SNX13: variants seen among roughly 807,000 people sequenced by gnomAD.
The protein encoded by SNX13 is sorting nexin 13.
A neutral mutation model predicts 133.6 loss-of-function variants in SNX13; 45 were observed. The observed-to-expected ratio is 0.34, with a 90% CI of 0.27 to 0.43. The LOEUF is 0.43. Among genes scored for constraint, SNX13 ranks in the 20% least tolerant of loss-of-function variants. SNX13 has a pLI of 1.00. For synonymous variants in SNX13, 414 were observed against 373.9 expected (o/e 1.11, Z -1.24); for missense variants, 1,032 against 1,145.1 (o/e 0.90, Z 1.43).
chr7:17,911,014 AT>A (rs1798923732), intron 1 of SNX13, among the ~76,000 whole-genome samples: 1 of 152,334 alleles, frequency 6.6e-6, no homozygotes, highest in South Asian at 2.1e-4. Flanking sequence ...TGAATCACTC[AT>A]TTTTAAATGG....
intron 8 of SNX13, among the ~76,000 whole-genome samples, chr7:17,871,125 C>T (rs1794061624): frequency 6.6e-6 from 1 of 152,012 alleles, no homozygotes; most frequent in South Asian, 2.1e-4. Context: ...CCTGCCTCAG[C>T]CTCCCGAGTA....
At chr7:17,856,128 G>C (rs1791848074) in intron 9 of SNX13, among the ~76,000 whole-genome samples, 1 of 152,156 alleles carries the variant, frequency 6.6e-6, no homozygotes, top group Non-Finnish European at 1.5e-5. Context: ...AGTGGACCCT[G>C]AACAATATCA....
chr7:17,892,773 C>T (rs146536645), intron 3 of SNX13, among the ~76,000 whole-genome samples: 229 of 152,182 alleles, frequency 1.5e-3, no homozygotes, highest in African/African-American at 5.2e-3. Context: ...ATGAAACCAA[C>T]CCAACTGCAC....
At chr7:17,917,286 T>C (rs968654549) in intron 1 of SNX13, among the ~76,000 whole-genome samples, 1 of 152,080 alleles carries the variant, frequency 6.6e-6, no homozygotes, top group Non-Finnish European at 1.5e-5. Flanking sequence ...CCACTCCTAT[T>C]TAACATAGTA....
intron 20 of SNX13, among the ~76,000 whole-genome samples, chr7:17,811,339 C>T (rs1347447553): frequency 6.6e-6 from 1 of 152,158 alleles, no homozygotes; most frequent in Admixed American, 6.5e-5. Flanking sequence ...AAATCACAAG[C>T]ATTCCTATAC....
chr7:17,912,652 T>C (rs1190718954), intron 1 of SNX13, among the ~76,000 whole-genome samples: 2 of 152,172 alleles, frequency 1.3e-5, no homozygotes, highest in Non-Finnish European at 1.5e-5. Flanking sequence ...CCTCAAGTCA[T>C]CCACCTGCCT....
chr7:17,842,942 A>G (rs747082885), intron 12 of SNX13, among the ~76,000 whole-genome samples: 2 of 152,060 alleles, frequency 1.3e-5, no homozygotes, highest in Non-Finnish European at 1.5e-5. Flanking sequence ...CATAATATAC[A>G]TAAGAGGAAT....
At chr7:17,834,236 T>C in intron 14 of SNX13, 52 bp from the exon 15 acceptor site, 1 of 1,435,918 alleles carries the variant, frequency 7.0e-7, no homozygotes, top group Non-Finnish European at 9.3e-7. Context: ...GTGTGGTGAT[T>C]TTTACAAAAC....
chr7:17,859,916 A>C (rs1442144593), intron 9 of SNX13, among the ~76,000 whole-genome samples: 1 of 152,120 alleles, frequency 6.6e-6, no homozygotes, highest in Admixed American at 6.6e-5. Flanking sequence ...ATAGACACTT[A>C]AGGTTATTTC....
chr7:17,896,170 C>T (rs1363100130), intron 2 of SNX13, among the ~76,000 whole-genome samples: 1 of 152,208 alleles, frequency 6.6e-6, no homozygotes, highest in Middle Eastern at 3.2e-3. Flanking sequence ...TCTTTATCAT[C>T]TTCAGTCATC....
intron 5 of SNX13, among the ~76,000 whole-genome samples, chr7:17,886,345 G>A (rs1417036403): frequency 1.3e-5 from 2 of 151,954 alleles, no homozygotes; most frequent in African/African-American, 4.8e-5. Flanking sequence ...TGAGGGGGGC[G>A]GATCACAAGG....
intron 13 of SNX13, among the ~76,000 whole-genome samples, chr7:17,838,277 T>A (rs570861880): frequency 1.3e-5 from 2 of 151,950 alleles, no homozygotes; most frequent in South Asian, 2.1e-4. Context: ...ATAAAGTTGA[T>A]CATAATATTT....
intron 25 of SNX13, chr7:17,796,581 T>C (rs1784078570): frequency 2.6e-6 from 1 of 391,748 alleles, no homozygotes; most frequent in Non-Finnish European, 4.6e-6. Flanking sequence ...GGATAGGTTA[T>C]TTAACCTCTC....
At chr7:17,831,179 A>G (rs930541619) in intron 15 of SNX13, 26 of 983,992 alleles carry the variant, frequency 2.6e-5, no homozygotes, top group Non-Finnish European at 3.1e-5. Flanking sequence ...TTGATCAACA[A>G]TAAGAAGATC....
At chr7:17,915,705 A>G (rs1160548600) in intron 1 of SNX13, among the ~76,000 whole-genome samples, 1 of 152,134 alleles carries the variant, frequency 6.6e-6, no homozygotes, top group Non-Finnish European at 1.5e-5. Context: ...GTCACACAAT[A>G]ATAGGGACTT....
intron 11 of SNX13, among the ~76,000 whole-genome samples, chr7:17,848,718 G>T (rs575913486): frequency 3.9e-5 from 6 of 152,204 alleles, no homozygotes; most frequent in Non-Finnish European, 8.8e-5. Flanking sequence ...CGCCAGTGCC[G>T]AAGTGGCAGG....
chr7:17,884,207 C>T (rs1261426225), intron 5 of SNX13, among the ~76,000 whole-genome samples: 5 of 152,100 alleles, frequency 3.3e-5, no homozygotes, highest in Non-Finnish European at 5.9e-5. Context: ...ACTATGTATG[C>T]ACAGCTAAGA....
chr7:17,807,179 G>A (rs1028290863), intron 20 of SNX13, among the ~76,000 whole-genome samples: 4 of 152,074 alleles, frequency 2.6e-5, no homozygotes, highest in African/African-American at 4.8e-5. Context: ...CCACCCCCAC[G>A]GAGCCCAGCA....
intron 4 of SNX13, among the ~76,000 whole-genome samples, chr7:17,891,140 T>C (rs1172958170): frequency 6.6e-6 from 1 of 151,940 alleles, no homozygotes; most frequent in African/African-American, 2.4e-5. Flanking sequence ...GGGGGCATAG[T>C]TTTTTTACCT....
Sources: gnomAD v4.1 joint callset for allele counts (sites outside exome capture counted in the v4.1 genomes callset) on GRCh38, gnomAD v4.1.1 for gene constraint, MANE v1.5 for transcripts, NCBI Gene and HGNC (gene_info 2026-07-23, HGNC 2026-07-21) for gene names.